The following NAALADL2 variants were observed in gnomAD, a reference collection of about 807,000 sequenced individuals.
NAALADL2 encodes the protein inactive N-acetylated-alpha-linked acidic dipeptidase-like protein 2.
A neutral mutation model predicts 87.2 loss-of-function variants in NAALADL2; 76 were observed. That is an observed-to-expected ratio of 0.87 (90% confidence interval 0.72 to 1.05). The LOEUF (loss-of-function observed/expected upper bound fraction) is 1.05, where lower values mean the gene tolerates loss of function less well. NAALADL2 is among the 50% of genes least tolerant of loss of function. The pLI is 0.00. For synonymous variants in NAALADL2, 354 were observed against 331.0 expected (o/e 1.07, Z -0.75); for missense variants, 1,089 against 945.8 (o/e 1.15, Z -1.99).
intron 2 of NAALADL2, among the ~76,000 whole-genome samples, chr3:175,181,201 G>T (rs1464230783): frequency 6.6e-6 from 1 of 152,038 alleles, no homozygotes; most frequent in East Asian, 1.9e-4. Flanking sequence ...TTCCCACACA[G>T]TGTAGTACCA....
At chr3:175,294,204 A>C (rs1486998861) in intron 4 of NAALADL2, among the ~76,000 whole-genome samples, 3 of 152,284 alleles carry the variant, frequency 2.0e-5, no homozygotes, top group African/African-American at 7.2e-5. Flanking sequence ...GACAAAAAGA[A>C]AAACATAGTG....
At chr3:175,372,466 C>T (rs1233212897) in intron 5 of NAALADL2, among the ~76,000 whole-genome samples, 2 of 152,158 alleles carry the variant, frequency 1.3e-5, no homozygotes, top group African/African-American at 2.4e-5. Context: ...GGTGTTAATT[C>T]AGTGTCTTGA....
intron 5 of NAALADL2, among the ~76,000 whole-genome samples, chr3:175,426,753 T>C (rs1470284909): frequency 6.6e-6 from 1 of 152,162 alleles, no homozygotes; most frequent in Non-Finnish European, 1.5e-5. Context: ...AGCATTTTTG[T>C]ACTCAACTTC....
chr3:174,826,812 C>T (rs542357256), intron 3 of NAALADL2, among the ~76,000 whole-genome samples: 3 of 152,122 alleles, frequency 2.0e-5, no homozygotes, highest in African/African-American at 7.2e-5. Flanking sequence ...CATTTCCATT[C>T]TAGGAGTATG....
chr3:175,787,506 C>A (rs11927820), intron 13 of NAALADL2, among the ~76,000 whole-genome samples: 5 of 152,250 alleles, frequency 3.3e-5, no homozygotes, highest in Admixed American at 3.3e-4. Context: ...TTCTTTGACT[C>A]GGAAAGGGAA....
chr3:175,324,423 A>T, intron 5 of NAALADL2, 98 bp downstream of exon 5: 1 of 882,054 alleles, frequency 1.1e-6, no homozygotes, highest in Non-Finnish European at 1.7e-6. Context: ...GATGTCAAAT[A>T]ATTCTTAGCA....
At chr3:175,686,426 A>G (rs1736304070) in intron 11 of NAALADL2, among the ~76,000 whole-genome samples, 1 of 152,206 alleles carries the variant, frequency 6.6e-6, no homozygotes, top group African/African-American at 2.4e-5. Flanking sequence ...AACATTTAAA[A>G]GCAAGCAATT....
At chr3:174,964,444 A>C (rs1223813654) in intron 1 of NAALADL2, among the ~76,000 whole-genome samples, 1 of 152,146 alleles carries the variant, frequency 6.6e-6, no homozygotes, top group African/African-American at 2.4e-5. Flanking sequence ...ATGATATATG[A>C]AGCCCTGATA....
chr3:174,738,638 A>AG (rs1189246715), intron 3 of NAALADL2, among the ~76,000 whole-genome samples: 46 of 152,046 alleles, frequency 3.0e-4, no homozygotes, highest in African/African-American at 1.1e-3. Context: ...AAGGGTAGAG[A>AG]GGGGGGAGGG....
intron 2 of NAALADL2, among the ~76,000 whole-genome samples, chr3:174,679,581 C>G (rs1173767480): frequency 6.6e-6 from 1 of 152,100 alleles, no homozygotes; most frequent in South Asian, 2.1e-4. Flanking sequence ...CCTATAACAG[C>G]AGAAACCTCT....
chr3:175,494,758 G>A (rs1028583100), intron 9 of NAALADL2, among the ~76,000 whole-genome samples: 6 of 151,892 alleles, frequency 4.0e-5, no homozygotes, highest in Admixed American at 6.6e-5. Context: ...ATCGGGTATC[G>A]CAGGCCTTCA....
intron 1 of NAALADL2, among the ~76,000 whole-genome samples, chr3:174,922,769 C>A (rs1181007675): frequency 6.6e-6 from 1 of 151,998 alleles, no homozygotes; most frequent in Admixed American, 6.6e-5. Context: ...GTGTATTTTT[C>A]CACAACAACA....
chr3:174,765,224 C>A (rs1713659002), intron 3 of NAALADL2, among the ~76,000 whole-genome samples: 2 of 149,630 alleles, frequency 1.3e-5, no homozygotes, highest in Middle Eastern at 3.5e-3. Flanking sequence ...GTACTAGAAC[C>A]CACTTAAAGA....
In NAALADL2 at chr3:174,926,749, A is replaced by C. The variant is rs564524745; in HGVS notation, c.43+67299A>C. On this transcript the variant is annotated intron_variant, in intron 1 of 13. Coordinates refer to ENST00000454872, the MANE Select transcript of NAALADL2 (RefSeq NM_207015.3). The stretch of plus-strand genomic sequence containing the variant: ...ACAACTGGTTCCAGCTCCTGCAAAA[A>C]CATGATAAATTGTAAAGATCATCGA... Among the ~76,000 whole-genome samples, 22 of 152,332 alleles carry C rather than the reference A, an allele frequency of 1.4e-4. No homozygotes were observed. In the East Asian group the frequency reaches 2.3e-3, roughly 16 times the overall value.
intron 11 of NAALADL2, among the ~76,000 whole-genome samples, chr3:175,676,999 T>A (rs1260558592): frequency 6.6e-6 from 1 of 152,144 alleles, no homozygotes; most frequent in Non-Finnish European, 1.5e-5. Flanking sequence ...TTTTATTCTT[T>A]AAAAAAGAGT....
At chr3:175,714,036 C>G (rs989225794) in intron 11 of NAALADL2, among the ~76,000 whole-genome samples, 2 of 152,076 alleles carry the variant, frequency 1.3e-5, no homozygotes, top group African/African-American at 4.8e-5. Context: ...CAGCTTCACC[C>G]ATGTTTCTAC....
At chr3:175,670,380 T>G (rs1325855954) in intron 11 of NAALADL2, among the ~76,000 whole-genome samples, 1 of 69,424 alleles carries the variant, frequency 1.4e-5, no homozygotes, top group East Asian at 4.6e-4. Flanking sequence ...TTAATCAAAA[T>G]TATAACATTT....
At chr3:174,679,470 G>T (rs192588944) in intron 2 of NAALADL2, among the ~76,000 whole-genome samples, 2 of 152,136 alleles carry the variant, frequency 1.3e-5, no homozygotes, top group African/African-American at 4.8e-5. Context: ...TATATTCCAT[G>T]TCTAATGACT....
intron 5 of NAALADL2, among the ~76,000 whole-genome samples, chr3:175,325,722 G>T (rs924178633): frequency 6.6e-6 from 1 of 152,172 alleles, no homozygotes; most frequent in Non-Finnish European, 1.5e-5. Flanking sequence ...TTCAGTCATA[G>T]CTAGCAAGTG....
Sources: gnomAD v4.1 joint callset for allele counts (sites outside exome capture counted in the v4.1 genomes callset) on GRCh38, gnomAD v4.1.1 for gene constraint, MANE v1.5 for transcripts, NCBI Gene and HGNC (gene_info 2026-07-23, HGNC 2026-07-21) for gene names.